Variants in SPIDR observed in about 807,000 individuals in gnomAD.
The protein encoded by SPIDR is scaffold protein involved in DNA repair, also known as DNA repair-scaffolding protein.
SPIDR carries 93 observed loss-of-function variants against 104.6 expected under a neutral mutation model. That is an observed-to-expected ratio of 0.89 (90% CI 0.75 to 1.06). The LOEUF (loss-of-function observed/expected upper bound fraction) is 1.06. Ranked by LOEUF, SPIDR falls within the 50% of genes least tolerant of loss-of-function variation. The probability of loss-of-function intolerance (pLI) is 0.00; values close to 1 mark genes in which losing one functional copy is unlikely to be tolerated. For missense variants in SPIDR, 1,154 were observed against 1,111.2 expected, an observed-to-expected ratio of 1.04 and a Z score of -0.55; for synonymous variants, 431 against 416.9, an observed-to-expected ratio of 1.03 and a Z score of -0.41.
intron 8 of SPIDR, among the ~76,000 whole-genome samples, chr8:47,446,627 C>T (rs527950210): frequency 5.4e-4 from 82 of 150,784 alleles, no homozygotes; most frequent in African/African-American, 2.0e-3. Context: ...CAGTCTGTTG[C>T]CCAGGCTGGA....
At chr8:47,341,941 C>T (rs2050834450) in intron 5 of SPIDR, among the ~76,000 whole-genome samples, 1 of 152,192 alleles carries the variant, frequency 6.6e-6, no homozygotes, top group Non-Finnish European at 1.5e-5. Flanking sequence ...CGGAGTTGCG[C>T]ATGGAGAATA....
At chr8:47,302,233 G>A (rs587655777) in intron 5 of SPIDR, among the ~76,000 whole-genome samples, 66 of 151,628 alleles carry the variant, frequency 4.4e-4, no homozygotes, top group Admixed American at 1.1e-3. Context: ...CCAGTTGATC[G>A]AATCGGCTAC....
At chr8:47,673,124 G>T (rs937901897) in intron 10 of SPIDR, among the ~76,000 whole-genome samples, 1 of 152,194 alleles carries the variant, frequency 6.6e-6, no homozygotes, top group Non-Finnish European at 1.5e-5. Flanking sequence ...TGATAAATAA[G>T]CTTCATTTAC....
chr8:47,277,531 A>ATTTT (rs1352583975), intron 1 of SPIDR, among the ~76,000 whole-genome samples: 2 of 140,134 alleles, frequency 1.4e-5, no homozygotes, highest in African/African-American at 5.2e-5. Context: ...ACCCCTGCTA[A>ATTTT]TTTTTTTTTT....
intron 1 of SPIDR, among the ~76,000 whole-genome samples, chr8:47,269,814 T>C (rs1217027311): frequency 6.6e-6 from 1 of 152,218 alleles, no homozygotes; most frequent in East Asian, 1.9e-4. Context: ...TACATTTTTA[T>C]CAGGTTGAGG....
Position 47,302,761 on chromosome 8 carries a change from A to G in SPIDR, c.525+8731A>G, listed in dbSNP as rs895986171. Reference sequence around the variant, plus strand: ...AGCAGCGGAGGCTGCAGAACAGCCAATATTGGTTTATACCAAATGTTGCTG... The same window carrying G: ...AGCAGCGGAGGCTGCAGAACAGCCAGTATTGGTTTATACCAAATGTTGCTG... On this transcript the variant is annotated intron_variant, in intron 5 of 19. Coordinates refer to ENST00000297423, the MANE Select transcript of SPIDR (RefSeq NM_001080394.4). Among the ~76,000 whole-genome samples the G allele has an allele frequency of 1.3e-3, 201 of 152,304 alleles. 1 individual carries two copies. The highest frequency in any genetic ancestry group is 4.4e-3 in the African/African-American group (184 of 41,550).
rs187897766 is a variant in SPIDR, at chr8:47,481,951, A to C, written c.1097+41409A>C. ...TAATATCACTTTTAATGTAGACTAA[A>C]GCCAACATTTTTCATGTATTGTTCT... is the stretch of plus-strand genomic sequence containing the variant. On this transcript the variant is annotated intron_variant, in intron 8 of 19. Transcript: ENST00000297423. Among the ~76,000 whole-genome samples the C allele has an allele frequency of 3.5e-3, 539 of 152,366 alleles. 3 individuals are homozygous for C. Among genetic ancestry groups the C allele is most frequent in the African/African-American group, 0.013 (522 of 41,592 alleles).
At chr8:47,640,065 C>G (rs942393460) in intron 10 of SPIDR, among the ~76,000 whole-genome samples, 4 of 152,182 alleles carry the variant, frequency 2.6e-5, no homozygotes, top group African/African-American at 9.7e-5. Context: ...GAGCCACAGC[C>G]GACAGCAGGG....
intron 7 of SPIDR, among the ~76,000 whole-genome samples, chr8:47,429,450 G>A (rs1563949739): frequency 6.6e-6 from 1 of 152,170 alleles, no homozygotes; most frequent in Non-Finnish European, 1.5e-5. Flanking sequence ...CCTAAGACAT[G>A]CACTTTTATC....
At chr8:47,264,079 C>G (rs570474604) in intron 1 of SPIDR, among the ~76,000 whole-genome samples, 1 of 152,232 alleles carries the variant, frequency 6.6e-6, no homozygotes, top group East Asian at 1.9e-4. Flanking sequence ...TACCCTAGTC[C>G]GAAGACTCGG....
intron 8 of SPIDR, among the ~76,000 whole-genome samples, chr8:47,546,260 G>A (rs1356563419): frequency 1.2e-4 from 18 of 152,064 alleles, no homozygotes; most frequent in Admixed American, 1.2e-3. Flanking sequence ...GGGAAATTTT[G>A]AAATCACAAT....
chr8:47,448,876 G>A lies in SPIDR; in HGVS notation c.1097+8334G>A, dbSNP rs114471720. On this transcript the variant is annotated intron_variant, in intron 8 of 19. Coordinates refer to ENST00000297423, the MANE Select transcript of SPIDR (RefSeq NM_001080394.4). Reference sequence around the variant, plus strand: ...AATGGCCTAGTGTAAGACGTATGCAGGGGTATATGTAGTGCTTTGTGTACG... The same window carrying A: ...AATGGCCTAGTGTAAGACGTATGCAAGGGTATATGTAGTGCTTTGTGTACG... Among the ~76,000 whole-genome samples the A allele has an allele frequency of 1.2e-3, 177 of 152,276 alleles. 1 individual carries two copies. The highest frequency in any genetic ancestry group is 4.2e-3 in the African/African-American group (174 of 41,548).
At chr8:47,285,853 A>G (rs1236176614) in intron 3 of SPIDR, among the ~76,000 whole-genome samples, 1 of 152,184 alleles carries the variant, frequency 6.6e-6, no homozygotes, top group African/African-American at 2.4e-5. Flanking sequence ...TTCAGCTCAT[A>G]ACACCAGGTG....
At position 47,396,459 on chromosome 8, in the gene SPIDR, A is replaced by G. The variant is rs782218741; in HGVS notation, c.609A>G (p.Glu203=). The G allele has an allele frequency of 1.2e-6, 2 of 1,613,976 alleles. No individual in the cohort carries two copies. Among genetic ancestry groups the G allele is most frequent in the Non-Finnish European group, 1.7e-6 (2 of 1,179,968 alleles). The change falls in exon 6 of 20, where the codon GAA becomes GAG. Residue 203 remains glutamate, a synonymous_variant. Transcript: ENST00000297423. ...DLENVLLIDS[E]SPHKYHVQFA... The stretch of plus-strand genomic sequence containing the variant: ...AAAATGTCCTACTCATTGATTCAGA[A>G]TCCCCTCACAAATACCACGTGCAGT...
chr8:47,289,068 G>C (rs1021867111), intron 3 of SPIDR, among the ~76,000 whole-genome samples: 4 of 151,992 alleles, frequency 2.6e-5, no homozygotes, highest in Non-Finnish European at 4.4e-5. Context: ...GGAGTGCTGT[G>C]GTGCAGTCAT....
intron 7 of SPIDR, among the ~76,000 whole-genome samples, chr8:47,429,063 G>A (rs2066902732): frequency 6.6e-6 from 1 of 152,188 alleles, no homozygotes; most frequent in South Asian, 2.1e-4. Flanking sequence ...ATTCAAGTCA[G>A]GAAACAAACT....
Position 47,404,501 on chromosome 8 carries a change from CAAGA to C in SPIDR, c.777-3354_777-3351del, listed in dbSNP as rs562920178. ...TCTATAAAGAACTTAAACAAATTTA[CAAGA>C]AAGAATCAAACAACCCAATCAAAAA... On this transcript the variant is annotated intron_variant, in intron 6 of 19. Coordinates refer to ENST00000297423, the MANE Select transcript of SPIDR (RefSeq NM_001080394.4). Among the ~76,000 whole-genome samples, 393 of 152,282 alleles carry C rather than the reference CAAGA, an allele frequency of 2.6e-3. 1 individual carries two copies. Among genetic ancestry groups the C allele is most frequent in the African/African-American group, 8.9e-3 (370 of 41,572 alleles).
intron 1 of SPIDR, among the ~76,000 whole-genome samples, chr8:47,278,109 T>TTG (rs1331867228): frequency 6.6e-6 from 1 of 151,588 alleles, no homozygotes; most frequent in Non-Finnish European, 1.5e-5. Context: ...TTTTTTTTTT[T>TTG]TTTTATTAAT....
chr8:47,285,928 C>T (rs2038755010), intron 3 of SPIDR, among the ~76,000 whole-genome samples: 2 of 152,136 alleles, frequency 1.3e-5, no homozygotes, highest in East Asian at 1.9e-4. Flanking sequence ...ATTTATCCTA[C>T]GGTTCCATTG....
Sources: gnomAD v4.1 joint callset for allele counts (sites outside exome capture counted in the v4.1 genomes callset) on GRCh38, gnomAD v4.1.1 for gene constraint, MANE v1.5 for transcripts, NCBI Gene and HGNC (gene_info 2026-07-23, HGNC 2026-07-21) for gene names.